Variants in HIVEP1 observed in about 807,000 individuals in gnomAD.
The protein encoded by HIVEP1 is zinc finger protein 40.
HIVEP1 carries 36 observed loss-of-function variants against 180.0 expected under a neutral mutation model. The ratio of observed to expected loss-of-function variants is 0.20; its 90% CI spans 0.15 to 0.26. The LOEUF (loss-of-function observed/expected upper bound fraction) is 0.26, where lower values mean the gene tolerates loss of function less well. Among genes scored for constraint, HIVEP1 ranks in the 10% least tolerant of loss-of-function variants. HIVEP1 has a pLI of 1.00. For missense variants in HIVEP1, 3,143 were observed against 3,268.7 expected (o/e 0.96, Z 0.94); for synonymous variants, 1,239 against 1,239.0 (o/e 1.00, Z 0.00).
At position 12,018,097 on chromosome 6, in the gene HIVEP1, G is replaced by A. The variant is rs371473489; in HGVS notation, c.40+2429G>A. On this transcript the variant is annotated intron_variant, in intron 2 of 8. Transcript: ENST00000379388. ...AGCAGCTAAAGCCCGGCGAGAAATC[G>A]AGCGCAGCACCAGTGGGCCGGCACT... Among the ~76,000 whole-genome samples the A allele has an allele frequency of 2.1e-3, 320 of 152,358 alleles. 2 individuals carry two copies. The highest frequency in any genetic ancestry group is 7.2e-3 in the African/African-American group (300 of 41,582).
At chr6:12,076,968 A>G (rs1206447179) in intron 2 of HIVEP1, among the ~76,000 whole-genome samples, 2 of 152,098 alleles carry the variant, frequency 1.3e-5, no homozygotes, top group African/African-American at 4.8e-5. Flanking sequence ...ACCTAGAGTA[A>G]GTTTTCCGTA....
the HIVEP1 span, among the ~76,000 whole-genome samples, chr6:12,211,151 G>A: frequency 1.3e-5 from 2 of 149,086 alleles, no homozygotes; most frequent in Non-Finnish European, 3.0e-5. Flanking sequence ...TGTGATCCCA[G>A]CACTTTGGGA....
intron 6 of HIVEP1, among the ~76,000 whole-genome samples, chr6:12,135,352 A>G (rs1758645337): frequency 6.6e-6 from 1 of 152,212 alleles, no homozygotes; most frequent in African/African-American, 2.4e-5. Context: ...TCCATGGAAA[A>G]CAATCTTGCT....
Position 12,124,596 on chromosome 6 carries a change from T to C in HIVEP1, c.4801T>C (p.Leu1601=). ...AGATCATTGTGTGACATCAGCAACA[T>C]TACCAACCAAATTAATTGACAGCAT... ...GTDHCVTSAT[L]PTKLIDSMSN... is the part of the protein sequence containing the mutation. Residue 1601 remains leucine, a synonymous_variant, in exon 4 of 9, where the codon TTA becomes CTA. Coordinates refer to ENST00000379388, the MANE Select transcript of HIVEP1 (RefSeq NM_002114.4). The C allele has an allele frequency of 6.2e-7, 1 of 1,614,128 alleles. No individual in the cohort carries two copies. Among genetic ancestry groups the C allele is most frequent in the Non-Finnish European group, 8.5e-7 (1 of 1,180,024 alleles).
the HIVEP1 span, among the ~76,000 whole-genome samples, chr6:12,211,164 C>G: frequency 6.8e-6 from 1 of 147,776 alleles, no homozygotes; most frequent in Non-Finnish European, 1.5e-5. Context: ...CTTTGGGAGG[C>G]TGAGGCGGGC....
At chr6:12,110,812 C>T (rs956632298) in intron 3 of HIVEP1, among the ~76,000 whole-genome samples, 1 of 152,234 alleles carries the variant, frequency 6.6e-6, no homozygotes, top group African/African-American at 2.4e-5. Context: ...CTGGTACAAG[C>T]ATCCTAGCCT....
chr6:12,167,643 A>AT (rs1562023620), downstream of HIVEP1, among the ~76,000 whole-genome samples: 4 of 24,044 alleles, frequency 1.7e-4, no homozygotes, highest in Non-Finnish European at 2.0e-4. Flanking sequence ...ATATATACAT[A>AT]TACATATATA....
intron 2 of HIVEP1, among the ~76,000 whole-genome samples, chr6:12,036,087 G>A (rs914794910): frequency 6.6e-5 from 10 of 152,200 alleles, no homozygotes; most frequent in African/African-American, 1.7e-4. Context: ...GGCTGCTGAG[G>A]TTGTGTGGAA....
chr6:12,127,071 A>G (rs958387611), intron 4 of HIVEP1, among the ~76,000 whole-genome samples: 1 of 152,102 alleles, frequency 6.6e-6, no homozygotes, highest in Admixed American at 6.6e-5. Flanking sequence ...GGTTTGGCCA[A>G]GCTGGTCTTG....
At chr6:12,133,946 C>G (rs1454219545) in intron 6 of HIVEP1, among the ~76,000 whole-genome samples, 1 of 151,588 alleles carries the variant, frequency 6.6e-6, no homozygotes, top group Non-Finnish European at 1.5e-5. Flanking sequence ...CCACTGCACT[C>G]CAGCCTGGGC....
chr6:12,087,589 G>C (rs1277312254), intron 2 of HIVEP1, among the ~76,000 whole-genome samples: 1 of 152,026 alleles, frequency 6.6e-6, no homozygotes, highest in Non-Finnish European at 1.5e-5. Flanking sequence ...TTGAAAATCT[G>C]CAGGTAATTC....
upstream of HIVEP1, among the ~76,000 whole-genome samples, chr6:12,009,267 G>T (rs1767161246): frequency 6.6e-6 from 1 of 150,916 alleles, no homozygotes; most frequent in South Asian, 2.1e-4. Context: ...GGCGGGGGCG[G>T]GCAGGGTGGC....
chr6:12,164,916 C>T lies in HIVEP1; in HGVS notation c.*455C>T, dbSNP rs1251076063. ...TAGTCTTTGAAAATGGGTCTGTCCT[C>T]CTTGTGTAAGACAGTAACTTTACAC... On this transcript the variant is annotated 3_prime_UTR_variant, in exon 9 of 9. Transcript: ENST00000379388. 7.1e-6 allele frequency: 2 copies of T among 279,952 alleles called. No homozygotes were observed. Among genetic ancestry groups the T allele is most frequent in the Non-Finnish European group, 1.4e-5 (2 of 142,398 alleles). 17.3% of individuals were successfully genotyped at this position (279,952 alleles called of 1,614,324 possible).
chr6:12,168,115 T>TAC (rs1294868135), downstream of HIVEP1, among the ~76,000 whole-genome samples: 6 of 30,666 alleles, frequency 2.0e-4, 1 homozygote, highest in East Asian at 2.1e-3. Context: ...ATATGTATAT[T>TAC]ATATATACAT....
At chr6:12,023,470 T>G (rs1242501419) in intron 2 of HIVEP1, among the ~76,000 whole-genome samples, 1 of 152,214 alleles carries the variant, frequency 6.6e-6, no homozygotes, top group Admixed American at 6.5e-5. Context: ...CCCCATGGCT[T>G]ATTTCAAAAA....
At position 12,033,002 on chromosome 6, in the gene HIVEP1, G is replaced by A. The variant is rs529613338; in HGVS notation, c.40+17334G>A. Reference sequence around the variant, plus strand: ...TGATGAAACTTCACTGTTATTTTACGGTGAATGAACTCATATGTAGACGGT... The same window carrying A: ...TGATGAAACTTCACTGTTATTTTACAGTGAATGAACTCATATGTAGACGGT... On this transcript the variant is annotated intron_variant, in intron 2 of 8. Transcript: ENST00000379388. Among the ~76,000 whole-genome samples the A allele has an allele frequency of 9.9e-5, 15 of 152,214 alleles. No homozygotes were observed. The East Asian group carries it at 1.4e-3, about 14-fold the overall frequency.
chr6:12,106,031 CATATATACAT>C (rs1381466941), intron 3 of HIVEP1, among the ~76,000 whole-genome samples: 11 of 151,300 alleles, frequency 7.3e-5, no homozygotes, highest in Non-Finnish European at 1.3e-4. Flanking sequence ...TATACACACA[CATATATACAT>C]ATATATACAC....
intron 2 of HIVEP1, among the ~76,000 whole-genome samples, chr6:12,021,322 G>C (rs1370341654): frequency 2.0e-5 from 3 of 152,204 alleles, no homozygotes; most frequent in African/African-American, 7.2e-5. Context: ...GCCATTTCAG[G>C]AGCTCAGCAT....
At chr6:12,090,517 C>T (rs529828343) in intron 3 of HIVEP1, among the ~76,000 whole-genome samples, 2 of 152,116 alleles carry the variant, frequency 1.3e-5, no homozygotes, top group Admixed American at 6.5e-5. Flanking sequence ...TGTCTGCCTT[C>T]TCCTCACCCC....
Sources: allele counts gnomAD v4.1 joint callset (sites outside exome capture counted in the v4.1 genomes callset), GRCh38; gene constraint gnomAD v4.1.1; transcripts MANE v1.5; gene names NCBI Gene and HGNC (gene_info 2026-07-23, HGNC 2026-07-21).